Variants in ATP7A observed in about 807,000 individuals in gnomAD.
ATP7A encodes copper-transporting ATPase 1.
Under a neutral mutation model 83.5 loss-of-function variants are expected in ATP7A, and 7 were observed. The observed-to-expected ratio is 0.08, with a 90% CI of 0.05 to 0.16. The LOEUF (loss-of-function observed/expected upper bound fraction) is 0.16, where lower values mean the gene tolerates loss of function less well. Ranked by LOEUF, ATP7A falls within the 10% of genes least tolerant of loss-of-function variation. The pLI is 1.00. For missense variants in ATP7A, 940 were observed against 1,120.8 expected (o/e 0.84, Z 2.30); for synonymous variants, 354 against 395.2 (o/e 0.90, Z 1.24).
At chrX:77,918,828 A>T (rs1028283322) in intron 1 of ATP7A, among the ~76,000 whole-genome samples, 1 of 111,226 alleles carries the variant, frequency 9.0e-6, no homozygotes. Context: ...TACCCAAACC[A>T]CTTCTATTTC....
intron 14 of ATP7A, among the ~76,000 whole-genome samples, chrX:78,022,505 G>GTTTGTTTA (rs782072664): frequency 0.15 from 13,876 of 95,663 alleles, 1,004 homozygotes; most frequent in South Asian, 0.28. Context: ...TTGTTTGTTT[G>GTTTGTTTA]TTTATTTATT....
At chrX:77,956,116 ATCTCT>A in intron 1 of ATP7A, among the ~76,000 whole-genome samples, 1 of 111,635 alleles carries the variant, frequency 9.0e-6, no homozygotes, top group Middle Eastern at 4.6e-3. Context: ...AATGCAGATA[ATCTCT>A]TCAACATACC....
At chrX:78,033,476 CT>C in intron 16 of ATP7A, 128 bp from the exon 17 acceptor site, 1 of 615,561 alleles carries the variant, frequency 1.6e-6, no homozygotes, top group Non-Finnish European at 2.6e-6. Context: ...TCAAAATCCA[CT>C]GTCAAGTAGG....
chrX:77,988,835 G>C, intron 3 of ATP7A, 104 bp downstream of exon 3: 2 of 1,001,196 alleles, frequency 2.0e-6, no homozygotes, highest in Non-Finnish European at 2.8e-6. Context: ...CATGAGACTA[G>C]AGTGCTTGCT....
In ATP7A at chrX:77,943,251, G is replaced by C. The variant is rs183038242; in HGVS notation, c.-21-28370G>C. On this transcript the variant is annotated intron_variant, in intron 1 of 22. Transcript: ENST00000341514. The stretch of plus-strand genomic sequence containing the variant: ...AATTTAAGATTAATCTTACAGATTT[G>C]AAAATTAAAGAATCACATTCTGCTA... 1.9e-4 allele frequency among the ~76,000 whole-genome samples: 21 copies of C among 112,368 alleles called. No homozygotes were observed. The East Asian group carries it at 5.0e-3, about 27-fold the overall frequency.
At chrX:78,039,841 A>G (rs1338244222) in intron 18 of ATP7A, among the ~76,000 whole-genome samples, 1 of 112,335 alleles carries the variant, frequency 8.9e-6, no homozygotes, top group Non-Finnish European at 1.9e-5. Flanking sequence ...ATGTTGCTAT[A>G]TAATTTTACT....
chrX:77,923,584 T>A, intron 1 of ATP7A: 1 of 110,214 alleles, frequency 9.1e-6, no homozygotes, highest in Middle Eastern at 4.6e-3. Context: ...TCTTTCTTTT[T>A]TTTTTTTTGA....
intron 1 of ATP7A, among the ~76,000 whole-genome samples, chrX:77,954,531 C>G (rs2077430784): frequency 8.9e-6 from 1 of 111,804 alleles, no homozygotes; most frequent in African/African-American, 3.3e-5. Context: ...AAATTAGACA[C>G]TTAGTATTTT....
At chrX:78,020,757 G>C (rs920236356) in intron 13 of ATP7A, among the ~76,000 whole-genome samples, 188 bp from the exon 14 acceptor site, 19 of 111,544 alleles carry the variant, frequency 1.7e-4, no homozygotes, top group African/African-American at 5.2e-4. Flanking sequence ...CTGGACTCAA[G>C]CTATCATCCT....
intron 1 of ATP7A, among the ~76,000 whole-genome samples, chrX:77,966,100 T>C (rs1453069975): frequency 2.7e-5 from 3 of 112,239 alleles, no homozygotes; most frequent in South Asian, 3.7e-4. Context: ...TCTGTGAATA[T>C]GCTAACAACT....
intron 1 of ATP7A, among the ~76,000 whole-genome samples, chrX:77,951,139 AAG>A (rs1390873685): frequency 1.8e-5 from 2 of 112,284 alleles, no homozygotes; most frequent in Non-Finnish European, 3.8e-5. Context: ...TTAATACAAA[AAG>A]AAATTCCATG....
rs2077858976 is a variant in ATP7A, at chrX:78,015,819, A to G, written c.2564A>G (p.Lys855Arg). The G allele has an allele frequency of 8.3e-7, 1 of 1,209,880 alleles. No homozygotes were observed. Among genetic ancestry groups the G allele is most frequent in the Non-Finnish European group, 1.1e-6 (1 of 894,963 alleles). The change falls in exon 12 of 23, where the codon AAA becomes AGA. Residue 855 changes from lysine (K) to arginine (R), a missense_variant. Around this residue, in one of 3 missense-constraint regions of ATP7A, gnomAD observed 386 missense variants for 502.2 expected, o/e 0.77. Coordinates refer to ENST00000341514, the MANE Select transcript of ATP7A (RefSeq NM_000052.7). ...GDIIKVVPGG[K>R]FPVDGRVIEG... ...ATCATTAAAGTAGTTCCAGGAGGCA[A>G]ATTTCCAGTGGATGGTCGTGTTATT...
In ATP7A at chrX:78,007,216, G is replaced by A. The variant is rs781852867; in HGVS notation, c.1708-1886G>A. Among the ~76,000 whole-genome samples the A allele has an allele frequency of 3.6e-5, 4 of 112,316 alleles. No individual in the cohort carries two copies. The South Asian group carries it at 1.5e-3, about 41-fold the overall frequency. On this transcript the variant is annotated intron_variant, in intron 6 of 22. Transcript: ENST00000341514. ...TAGCTATCCCAGTGGAAGTGAACTG[G>A]TATCTCATTTTGGTTTGATTTGCAT... is the stretch of plus-strand genomic sequence containing the variant.
chrX:78,017,475 G>A (rs1318127798), intron 12 of ATP7A, among the ~76,000 whole-genome samples: 3 of 112,136 alleles, frequency 2.7e-5, no homozygotes, highest in Non-Finnish European at 5.6e-5. Context: ...TCTGCAGCCC[G>A]CTTGAATTTC....
intron 7 of ATP7A, 94 bp downstream of exon 7, chrX:78,009,357 A>G (rs782313865): frequency 4.2e-6 from 4 of 960,282 alleles, no homozygotes; most frequent in South Asian, 3.9e-5. Flanking sequence ...AGGCAATGAA[A>G]AAAAATCTAA....
intron 2 of ATP7A, among the ~76,000 whole-genome samples, chrX:77,981,398 A>G (rs2077604826): frequency 8.9e-6 from 1 of 112,440 alleles, no homozygotes; most frequent in African/African-American, 3.2e-5. Flanking sequence ...TAAAAAATTT[A>G]GCAGTGAAGG....
Position 77,988,750 on chromosome X carries a change from A to G in ATP7A, c.610+19A>G, listed in dbSNP as rs367724628. 882 of 1,208,599 alleles carry G rather than the reference A, an allele frequency of 7.3e-4. No homozygotes were observed. The highest frequency in any genetic ancestry group is 9.5e-4 in the Non-Finnish European group (847 of 894,557). On this transcript the variant is annotated intron_variant, in intron 3 of 22. Coordinates refer to ENST00000341514, the MANE Select transcript of ATP7A (RefSeq NM_000052.7). ...ATTAAAGGTAATGTGTCTGGTGTTG[A>G]TTGTTTTGTAAGGCTTAGGTGTCTG...
At chrX:77,944,996 G>T (rs1453186075) in intron 1 of ATP7A, among the ~76,000 whole-genome samples, 1 of 108,761 alleles carries the variant, frequency 9.2e-6, no homozygotes, top group African/African-American at 3.4e-5. Flanking sequence ...GATTACAGGC[G>T]CCTGCCACCA....
At chrX:77,913,883 T>G (rs782796607) in intron 1 of ATP7A, among the ~76,000 whole-genome samples, 2 of 112,399 alleles carry the variant, frequency 1.8e-5, no homozygotes, top group South Asian at 7.3e-4. Flanking sequence ...TTACTTATTT[T>G]TACTATTAAT....
Sources: gnomAD v4.1 joint callset for allele counts (sites outside exome capture counted in the v4.1 genomes callset) on GRCh38, gnomAD v4.1.1 for gene constraint, gnomAD v4.1.1 regional missense constraint, MANE v1.5 for transcripts, NCBI Gene and HGNC (gene_info 2026-07-23, HGNC 2026-07-21) for gene names.